Variants in MINDY2 observed in about 807,000 individuals in gnomAD.
MINDY2 encodes ubiquitin carboxyl-terminal hydrolase MINDY-2.
MINDY2 carries 52 observed loss-of-function variants against 68.2 expected under a neutral mutation model. That is an observed-to-expected ratio of 0.76 (90% CI 0.61 to 0.96). The LOEUF (loss-of-function observed/expected upper bound fraction) is 0.96, where lower values mean the gene tolerates loss of function less well. MINDY2 is among the 40% of genes least tolerant of loss of function. MINDY2 has a pLI of 0.00. For synonymous variants in MINDY2, 372 were observed against 303.0 expected (o/e 1.23, Z -2.36); for missense variants, 881 against 773.4 (o/e 1.14, Z -1.65).
intron 4 of MINDY2, among the ~76,000 whole-genome samples, chr15:58,812,666 C>T (rs556885947): frequency 1.3e-5 from 2 of 152,072 alleles, no homozygotes; most frequent in Non-Finnish European, 2.9e-5. Context: ...TCAAGACTAG[C>T]CTGGGCAACA....
chr15:58,803,970 TAC>T (rs1184351047), intron 3 of MINDY2, among the ~76,000 whole-genome samples: 1 of 57,216 alleles, frequency 1.7e-5, no homozygotes, highest in Non-Finnish European at 3.7e-5. Flanking sequence ...AAAAAAAAAA[TAC>T]AAAAAATTAG....
chr15:58,777,417 A>T (rs1370397435), intron 1 of MINDY2, among the ~76,000 whole-genome samples: 1 of 152,180 alleles, frequency 6.6e-6, no homozygotes, highest in Non-Finnish European at 1.5e-5. Flanking sequence ...GATCAAACAG[A>T]GTAAGGACTG....
chr15:58,789,122 G>C (rs1297031907), intron 2 of MINDY2, among the ~76,000 whole-genome samples: 1 of 152,216 alleles, frequency 6.6e-6, no homozygotes, highest in Non-Finnish European at 1.5e-5. Context: ...CCGATCACAA[G>C]GTCAGGAGAT....
rs1488241571 is a variant in MINDY2, at chr15:58,860,781, A to AG, written c.*6172dup. On this transcript the variant is annotated 3_prime_UTR_variant, in exon 9 of 9. Coordinates refer to ENST00000559228, the MANE Select transcript of MINDY2 (RefSeq NM_001040450.3). ...AAGACAAACAGTATTTAATCCTTGAAGACCTGTCTTGTATGTCTCTCAATT... is the reference window on the plus strand; with the variant it reads ...AAGACAAACAGTATTTAATCCTTGAAGGACCTGTCTTGTATGTCTCTCAATT... 3.3e-5 allele frequency: 5 copies of AG among 152,228 alleles called. No homozygotes were observed. Among genetic ancestry groups the AG allele is most frequent in the Non-Finnish European group, 5.9e-5 (4 of 68,046 alleles). 9.4% of individuals were successfully genotyped at this position (152,228 alleles called of 1,614,324 possible). A position where few individuals can be genotyped will look rare whatever the true frequency, so the allele number is the denominator to read the frequency against.
chr15:58,790,934 G>C (rs1333245789), intron 2 of MINDY2, among the ~76,000 whole-genome samples: 1 of 151,892 alleles, frequency 6.6e-6, no homozygotes, highest in Non-Finnish European at 1.5e-5. Context: ...AATCTCAGCA[G>C]TTTGGGAGGC....
intron 4 of MINDY2, among the ~76,000 whole-genome samples, chr15:58,814,178 G>A (rs2030513726): frequency 6.6e-6 from 1 of 152,102 alleles, no homozygotes; most frequent in South Asian, 2.1e-4. Context: ...GACTTCAGGT[G>A]ATCCACCCGC....
At chr15:58,812,303 G>A (rs1423059966) in intron 4 of MINDY2, among the ~76,000 whole-genome samples, 3 of 152,040 alleles carry the variant, frequency 2.0e-5, no homozygotes, top group Non-Finnish European at 2.9e-5. Flanking sequence ...CGGGTGCAGT[G>A]GCAGGCGCCT....
intron 5 of MINDY2, among the ~76,000 whole-genome samples, chr15:58,827,450 A>G (rs1433083047): frequency 6.6e-6 from 1 of 152,046 alleles, no homozygotes; most frequent in Non-Finnish European, 1.5e-5. Flanking sequence ...AATTGTATCC[A>G]TATAAACTCA....
chr15:58,824,564 A>G (rs2031267583), intron 5 of MINDY2, among the ~76,000 whole-genome samples: 1 of 152,108 alleles, frequency 6.6e-6, no homozygotes, highest in Non-Finnish European at 1.5e-5. Context: ...TAATTACTTA[A>G]CTCCAATGGT....
At chr15:58,776,832 G>A (rs78856239) in intron 1 of MINDY2, among the ~76,000 whole-genome samples, 4,194 of 151,848 alleles carry the variant, frequency 0.028, 80 homozygotes, top group Non-Finnish European at 0.043. Context: ...GACCAGCTGG[G>A]GCAATATAGT....
chr15:58,796,124 A>G, intron 2 of MINDY2: 1 of 456,014 alleles, frequency 2.2e-6, no homozygotes, highest in South Asian at 1.5e-5. Context: ...TCAAGGGCAG[A>G]AAACTTTTGA....
At chr15:58,854,449 AGAGT>A in intron 8 of MINDY2, 29 bp from the exon 9 acceptor site, 1 of 1,598,136 alleles carries the variant, frequency 6.3e-7, no homozygotes. Flanking sequence ...CAGAATAGTT[AGAGT>A]AATTTCTTGC....
intron 1 of MINDY2, among the ~76,000 whole-genome samples, chr15:58,785,959 C>G (rs1165693186): frequency 6.6e-6 from 1 of 152,120 alleles, no homozygotes; most frequent in African/African-American, 2.4e-5. Context: ...TGTGAGCCAC[C>G]AGGCCTGACC....
chr15:58,785,191 T>C (rs1469976707), intron 1 of MINDY2, among the ~76,000 whole-genome samples: 1 of 145,116 alleles, frequency 6.9e-6, no homozygotes, highest in African/African-American at 2.6e-5. Flanking sequence ...TCTTAGATGG[T>C]TAAAAAAATA....
intron 2 of MINDY2, among the ~76,000 whole-genome samples, chr15:58,797,242 C>T (rs973487255): frequency 3.9e-5 from 6 of 152,142 alleles, no homozygotes; most frequent in Non-Finnish European, 8.8e-5. Context: ...TGTGATGGCT[C>T]ATGCCTTTTA....
At chr15:58,813,065 G>T (rs2030408802) in intron 4 of MINDY2, among the ~76,000 whole-genome samples, 1 of 151,896 alleles carries the variant, frequency 6.6e-6, no homozygotes, top group Admixed American at 6.6e-5. Flanking sequence ...AATCTTTTTG[G>T]ATTGCATTTC....
At chr15:58,813,499 C>G (rs781046356) in intron 4 of MINDY2, among the ~76,000 whole-genome samples, 4 of 152,188 alleles carry the variant, frequency 2.6e-5, no homozygotes, top group African/African-American at 9.6e-5. Flanking sequence ...CTATCTCAAA[C>G]TGCTGTAAAC....
At chr15:58,803,074 C>T (rs1371597811) in intron 3 of MINDY2, among the ~76,000 whole-genome samples, 1 of 152,180 alleles carries the variant, frequency 6.6e-6, no homozygotes, top group Non-Finnish European at 1.5e-5. Context: ...AACATACTTT[C>T]ACCAGTATCA....
intron 3 of MINDY2, among the ~76,000 whole-genome samples, chr15:58,806,096 CAA>C (rs776463923): frequency 2.0e-5 from 3 of 152,192 alleles, no homozygotes; most frequent in Non-Finnish European, 4.4e-5. Context: ...AAAGAAAAGA[CAA>C]AGTCTCCCTC....
Sources: gnomAD v4.1 joint callset for allele counts (sites outside exome capture counted in the v4.1 genomes callset) on GRCh38, gnomAD v4.1.1 for gene constraint, MANE v1.5 for transcripts, NCBI Gene and HGNC (gene_info 2026-07-23, HGNC 2026-07-21) for gene names.